CDKN2A: variants seen among roughly 807,000 people sequenced by gnomAD.
CDKN2A encodes cyclin-dependent kinase inhibitor 2A.
CDKN2A carries 3 observed loss-of-function variants against 11.1 expected under a neutral mutation model. The ratio of observed to expected loss-of-function variants is 0.27; its 90% CI spans 0.12 to 0.70. The LOEUF (loss-of-function observed/expected upper bound fraction) is 0.70, where lower values mean the gene tolerates loss of function less well. Ranked by LOEUF, CDKN2A falls within the 30% of genes least tolerant of loss-of-function variation. CDKN2A has a pLI of 0.77. For synonymous variants in CDKN2A, 122 were observed against 108.1 expected (o/e 1.13, Z -0.80); for missense variants, 265 against 233.6 (o/e 1.13, Z -0.88).
Position 21,968,670 on chromosome 9 carries a change from A to G in CDKN2A, c.458-428T>C, listed in dbSNP as rs767604175. On this transcript the variant is annotated intron_variant, in intron 2 of 2. Transcript: ENST00000304494. The surrounding 1 kb of genome is among the most constrained non-coding windows in gnomAD (Gnocchi z 4.7). ...TGCGGAGTGAGCCAGCCAGCTTGCG[A>G]TAACCAAAGGGCGCCTCAGGCTCTG... 9 of 1,535,646 alleles carry G rather than the reference A, an allele frequency of 5.9e-6. No individual in the cohort carries two copies. The highest frequency in any genetic ancestry group is 4.1e-5 in the African/African-American group (3 of 73,148).
intron 1 of CDKN2A, among the ~76,000 whole-genome samples, chr9:21,972,418 G>T (rs780238269): frequency 6.6e-6 from 1 of 152,150 alleles, no homozygotes; most frequent in Admixed American, 6.5e-5. Flanking sequence ...CACAGTCAGA[G>T]AGAAGATACA....
At position 21,991,300 on chromosome 9, in the gene CDKN2A, T is replaced by C. The variant is rs1820423744; in HGVS notation, c.-4+2582A>G. Among the ~76,000 whole-genome samples, 1 of 152,050 alleles carries C rather than the reference T, an allele frequency of 6.6e-6. No individual in the cohort carries two copies. The highest frequency in any genetic ancestry group is 1.5e-5 in the Non-Finnish European group (1 of 68,024). ...ACTTTCTTAAAGTATCATGAGTTTTTTTTTTTTTTTAAGCTCATCAGCTAT... is the reference window on the plus strand; with the variant it reads ...ACTTTCTTAAAGTATCATGAGTTTTCTTTTTTTTTTAAGCTCATCAGCTAT... On this transcript the variant is annotated intron_variant, in intron 2 of 3. Transcript: ENST00000494262. The surrounding 1 kb of genome is among the most constrained non-coding windows in gnomAD (Gnocchi z 5.2).
At chr9:21,976,425 A>T (rs1414488623), upstream of CDKN2A, among the ~76,000 whole-genome samples, 2 of 151,600 alleles carry the variant, frequency 1.3e-5, no homozygotes, top group South Asian at 2.1e-4. Context: ...ACTATTACAT[A>T]AAAGGAAAGT....
upstream of CDKN2A, chr9:21,995,282 T>A (rs940346959): frequency 6.6e-6 from 1 of 152,216 alleles, no homozygotes; most frequent in African/African-American, 2.4e-5. This position sits in a 1 kb window ranked among gnomAD's most constrained non-coding sequence, Gnocchi z 5.7. Flanking sequence ...TCTAGCCCAT[T>A]TTTATTTTCG....
intron 2 of CDKN2A, among the ~76,000 whole-genome samples, chr9:21,984,327 A>T (rs1404541921): frequency 6.6e-6 from 1 of 152,028 alleles, no homozygotes; most frequent in Admixed American, 6.6e-5. Context: ...GTGACACTGG[A>T]GAGTGTCACT....
upstream of CDKN2A, among the ~76,000 whole-genome samples, chr9:21,978,274 TAAA>T (rs1396618603): frequency 2.0e-5 from 3 of 151,886 alleles, no homozygotes; most frequent in East Asian, 3.9e-4. Flanking sequence ...TAAATAATAA[TAAA>T]ATTAAAAAAA....
rs1060501267 is a variant in CDKN2A at position 21,970,919 on chromosome 9, G to A, written c.440C>T (p.Ala147Val). 1.9e-6 allele frequency: 3 copies of A among 1,612,160 alleles called. No homozygotes were observed. The highest frequency in any genetic ancestry group is 2.5e-6 in the Non-Finnish European group (3 of 1,180,034). ...TRGSNHARID[A>V]AEGPSDIPD ...GTCCTCACCTGAGGGACCTTCCGCG[G>A]CATCTATGCGGGCATGGTTACTGCC... Residue 147 changes from alanine (A) to valine (V), a missense_variant, in exon 2 of 3, where the codon GCC (alanine) becomes GTC (valine). Physicochemically the swap from Ala to Val is moderately conservative, Grantham distance 64 (BLOSUM62 0). Transcript: ENST00000304494.
Position 21,985,969 on chromosome 9 carries a change from T to C in CDKN2A, c.-4+7913A>G, listed in dbSNP as rs3731214. Among the ~76,000 whole-genome samples the C allele has an allele frequency of 3.9e-5, 6 of 152,160 alleles. No individual in the cohort carries two copies. In the South Asian group the frequency reaches 1.0e-3, roughly 26 times the overall value. Reference sequence around the variant, plus strand: ...AAACTAATGTGCTTTCTTAAGGGCATAGTTTAATTAGGCACTATAATAACT... The same window carrying C: ...AAACTAATGTGCTTTCTTAAGGGCACAGTTTAATTAGGCACTATAATAACT... On this transcript the variant is annotated intron_variant, in intron 2 of 3. Coordinates refer to the CDKN2A transcript ENST00000494262.
intron 2 of CDKN2A, among the ~76,000 whole-genome samples, chr9:21,981,193 C>T (rs1319121142): frequency 1.9e-4 from 19 of 100,090 alleles, no homozygotes; most frequent in Admixed American, 3.4e-4. Flanking sequence ...TATATATATA[C>T]GTGTATATAT....
upstream of CDKN2A, among the ~76,000 whole-genome samples, chr9:21,977,577 G>C (rs1418127516): frequency 6.6e-6 from 1 of 152,004 alleles, no homozygotes; most frequent in Non-Finnish European, 1.5e-5. Context: ...TGTTGGCTAG[G>C]CTTGTCTCGA....
chr9:21,990,649 AGAAACTGTTT>A (rs1820410866), intron 2 of CDKN2A, among the ~76,000 whole-genome samples: 1 of 150,232 alleles, frequency 6.7e-6, no homozygotes, highest in African/African-American at 2.5e-5. Context: ...AGAGAGAGAG[AGAAACTGTTT>A]ACTGTTTGGA....
chr9:21,991,813 A>G lies in CDKN2A; in HGVS notation c.-4+2069T>C. 1.0e-6 allele frequency: 1 copy of G among 985,258 alleles called. No individual in the cohort carries two copies. Among genetic ancestry groups the G allele is most frequent in the Non-Finnish European group, 1.2e-6 (1 of 829,740 alleles). The allele number at this position is 985,258 out of a possible 1,614,324, so 61.0% of individuals were successfully genotyped here. On this transcript the variant is annotated intron_variant, in intron 2 of 3. Coordinates refer to the CDKN2A transcript ENST00000494262. This position sits in a 1 kb window ranked among gnomAD's most constrained non-coding sequence, Gnocchi z 5.2. ...TTGATTTCTGAAAGGGCTATGGTTC[A>G]CTTGGAACACAATACAAACTGTGAA...
Position 21,988,330 on chromosome 9 carries a change from T to G in CDKN2A, c.-4+5552A>C, listed in dbSNP as rs745923935. On this transcript the variant is annotated intron_variant, in intron 2 of 3. Coordinates refer to the CDKN2A transcript ENST00000494262. This position sits in a 1 kb window ranked among gnomAD's most constrained non-coding sequence, Gnocchi z 4.1. ...AACAAAGCCAATAAGTCATAAAAAT[T>G]AAAAATCAACATACTATTTTTTGAA... is the stretch of plus-strand genomic sequence containing the variant. Among the ~76,000 whole-genome samples the G allele has an allele frequency of 6.6e-6, 1 of 152,204 alleles. No homozygotes were observed. The highest frequency in any genetic ancestry group is 6.5e-5 in the Admixed American group (1 of 15,288).
chr9:21,992,461 T>C (rs1395161361), intron 2 of CDKN2A: 6 of 963,082 alleles, frequency 6.2e-6, no homozygotes, highest in Non-Finnish European at 6.2e-6. Context: ...TTCACATACG[T>C]CCTGAAAATT....
At chr9:21,993,808 TG>T in intron 2 of CDKN2A, 1 of 247,812 alleles carries the variant, frequency 4.0e-6, no homozygotes, top group Non-Finnish European at 7.5e-6. Flanking sequence ...ACTGTGTGTG[TG>T]TGTGTGTGTG....
At position 21,994,304 on chromosome 9, in the gene CDKN2A, G is replaced by C. The variant is rs1554659242; in HGVS notation, c.-175-251C>G. The C allele has an allele frequency of 1.2e-6, 2 of 1,604,840 alleles. No homozygotes were observed. The highest frequency in any genetic ancestry group is 1.1e-5 in the South Asian group (1 of 90,830). On this transcript the variant is annotated intron_variant, in intron 1 of 3. Transcript: ENST00000494262. ...GGCGGGCCGCACGCGCGCCGAATCC[G>C]GAGGGTCACCAAGAACCTGCGCACC... is the stretch of plus-strand genomic sequence containing the variant.
At position 21,991,846 on chromosome 9, in the gene CDKN2A, C is replaced by G. The variant is rs1820438422; in HGVS notation, c.-4+2036G>C. 1.0e-6 allele frequency: 1 copy of G among 984,946 alleles called. No homozygotes were observed. The highest frequency in any genetic ancestry group is 1.7e-5 in the African/African-American group (1 of 57,194). 61.0% of individuals were successfully genotyped at this position (984,946 alleles called of 1,614,324 possible). On this transcript the variant is annotated intron_variant, in intron 2 of 3. Coordinates refer to the CDKN2A transcript ENST00000494262. The surrounding 1 kb of genome is among the most constrained non-coding windows in gnomAD (Gnocchi z 5.2). Reference sequence around the variant, plus strand: ...CACAATACAAACTGTGAATCATGTACACATGGGGAATAATGGTTTATACTA... The same window carrying G: ...CACAATACAAACTGTGAATCATGTAGACATGGGGAATAATGGTTTATACTA...
At chr9:21,992,891 A>C (rs1820463357) in intron 2 of CDKN2A, among the ~76,000 whole-genome samples, 1 of 152,194 alleles carries the variant, frequency 6.6e-6, no homozygotes, top group African/African-American at 2.4e-5. Flanking sequence ...ATTAAAATCA[A>C]ATCCAGCAAC....
In CDKN2A at chr9:21,990,611, T is replaced by TGAGAGAGAGAGACAGAGAGAGA. The variant is rs1554658808; in HGVS notation, c.-4+3270_-4+3271insTCTCTCTCTGTCTCTCTCTCTC. Among the ~76,000 whole-genome samples the TGAGAGAGAGAGACAGAGAGAGA allele has an allele frequency of 5.6e-5, 5 of 89,676 alleles. 1 individual carries two copies. Among genetic ancestry groups the TGAGAGAGAGAGACAGAGAGAGA allele is most frequent in the Non-Finnish European group, 1.1e-4 (5 of 44,736 alleles). The allele number at this position is 89,676 out of a possible 152,430, so 58.8% of individuals were successfully genotyped here. On this transcript the variant is annotated intron_variant, in intron 2 of 3. Transcript: ENST00000494262. ...GCGGAAACCATTATAACTAATTTGG[T>TGAGAGAGAGAGACAGAGAGAGA]GAGAGAGAGAGAGAGAGAGAGAGAG...
Sources: gnomAD v4.1 joint callset for allele counts (sites outside exome capture counted in the v4.1 genomes callset) on GRCh38, gnomAD v4.1.1 for gene constraint, Gnocchi (gnomAD v3.1) non-coding constraint, MANE v1.5 for transcripts, NCBI Gene and HGNC (gene_info 2026-07-23, HGNC 2026-07-21) for gene names.